The following GOLGB1 variants were observed in gnomAD, a reference collection of about 807,000 sequenced individuals.
GOLGB1 encodes the protein golgin B1.
A neutral mutation model predicts 336.9 loss-of-function variants in GOLGB1; 174 were observed. The observed-to-expected ratio is 0.52, with a 90% confidence interval of 0.46 to 0.59. The LOEUF is 0.59. Among genes scored for constraint, GOLGB1 ranks in the 20% least tolerant of loss-of-function variants. The pLI is 0.00. For missense variants in GOLGB1, 3,331 were observed against 3,645.3 expected (o/e 0.91, Z 2.22); for synonymous variants, 1,208 against 1,289.2 (o/e 0.94, Z 1.35).
In GOLGB1 at chr3:121,691,573, G is replaced by A. The variant is rs925953569; in HGVS notation, c.7791C>T (p.Ala2597=). Reference sequence around the variant, plus strand: ...ATAAATCTTGTTTCTCTTCTTGTAGGGCATTAAAGGACCTCCGCAGATCCT... The same window carrying A: ...ATAAATCTTGTTTCTCTTCTTGTAGAGCATTAAAGGACCTCCGCAGATCCT... ...ANEDLRRSFN[A]LQEEKQDLSK... The change falls in exon 14 of 22, where the codon GCC becomes GCT. Residue 2597 remains alanine, a synonymous_variant. Transcript: ENST00000614479. 5.0e-6 allele frequency: 8 copies of A among 1,613,382 alleles called. No homozygotes were observed. The highest frequency in any genetic ancestry group is 5.1e-6 in the Non-Finnish European group (6 of 1,179,796).
Position 121,695,326 on chromosome 3 carries a change from G to A in GOLGB1, c.5197C>T (p.Leu1733Phe), listed in dbSNP as rs1296003249. 1 of 1,613,922 alleles carries A rather than the reference G, an allele frequency of 6.2e-7. No individual in the cohort carries two copies. The highest frequency in any genetic ancestry group is 8.5e-7 in the Non-Finnish European group (1 of 1,179,956). The stretch of plus-strand genomic sequence containing the variant: ...TCATACTCCATTTTGACCCTTTCAA[G>A]TTCTTCCTTCATGCTGGCATTGGAA... ...LSSNASMKEE[L>F]ERVKMEYETL... The change falls in exon 13 of 22, where the codon CTT (leucine) becomes TTT (phenylalanine). Residue 1733 changes from leucine (L) to phenylalanine (F), a missense_variant. Physicochemically the swap from Leu to Phe is conservative, Grantham distance 22. Coordinates refer to ENST00000614479, the MANE Select transcript of GOLGB1 (RefSeq NM_001366282.2).
At chr3:121,743,176 T>C (rs570810032) in intron 1 of GOLGB1, among the ~76,000 whole-genome samples, 6 of 152,382 alleles carry the variant, frequency 3.9e-5, no homozygotes, top group Non-Finnish European at 8.8e-5. Context: ...GTATGTTTAC[T>C]GCAGCACTAT....
At chr3:121,676,302 T>C (rs1940365557) in intron 17 of GOLGB1, among the ~76,000 whole-genome samples, 1 of 152,226 alleles carries the variant, frequency 6.6e-6, no homozygotes, top group African/African-American at 2.4e-5. Flanking sequence ...CTAGTGATCT[T>C]TTTAATTTTT....
Position 121,663,532 on chromosome 3 carries a change from A to C in GOLGB1, c.*948T>G, listed in dbSNP as rs1938197747. ...AGGGCAGAGACAATGGGGCTGAGAA[A>C]CTGTAATAACTGTCACTAACAGCAA... is the stretch of plus-strand genomic sequence containing the variant. On this transcript the variant is annotated 3_prime_UTR_variant, in exon 22 of 22. Transcript: ENST00000614479. The C allele has an allele frequency of 6.6e-6, 1 of 152,222 alleles. No individual in the cohort carries two copies. The highest frequency in any genetic ancestry group is 2.4e-5 in the African/African-American group (1 of 41,456). The allele number at this position is 152,222 out of a possible 1,614,324, so 9.4% of individuals were successfully genotyped here. A position where few individuals can be genotyped will look rare whatever the true frequency, so the allele number is the denominator to read the frequency against.
intron 1 of GOLGB1, among the ~76,000 whole-genome samples, chr3:121,747,803 G>T (rs1028237046): frequency 1.4e-4 from 22 of 151,886 alleles, no homozygotes; most frequent in African/African-American, 5.1e-4. Flanking sequence ...AAAAGAAAAA[G>T]ACTTTTTTTA....
At chr3:121,690,610 A>G in intron 14 of GOLGB1, 60 bp downstream of exon 14, 1 of 834,322 alleles carries the variant, frequency 1.2e-6, no homozygotes, top group African/African-American at 1.7e-5. Flanking sequence ...TATAAAAATA[A>G]ATTTAAAGAA....
intron 1 of GOLGB1, among the ~76,000 whole-genome samples, chr3:121,732,996 C>A (rs1254601138): frequency 6.6e-6 from 1 of 152,170 alleles, no homozygotes; most frequent in Non-Finnish European, 1.5e-5. Context: ...TAAGTGAATT[C>A]AGCAAGGTTG....
At chr3:121,676,137 T>G (rs370787830) in intron 17 of GOLGB1, among the ~76,000 whole-genome samples, 1 of 152,358 alleles carries the variant, frequency 6.6e-6, no homozygotes, top group East Asian at 1.9e-4. Context: ...TGTCAATTAG[T>G]TGAATTTAAC....
chr3:121,666,688 T>C (rs1028591469), intron 20 of GOLGB1, among the ~76,000 whole-genome samples: 4 of 152,222 alleles, frequency 2.6e-5, no homozygotes, highest in African/African-American at 9.6e-5. Flanking sequence ...ATCAGAAATG[T>C]CATTCTCTGA....
intron 10 of GOLGB1, among the ~76,000 whole-genome samples, chr3:121,708,178 C>A (rs1368592066): frequency 6.6e-6 from 1 of 152,024 alleles, no homozygotes; most frequent in Non-Finnish European, 1.5e-5. Flanking sequence ...AGTGCATATA[C>A]AACTTATATA....
intron 17 of GOLGB1, among the ~76,000 whole-genome samples, chr3:121,675,895 T>A (rs1196896022): frequency 2.0e-5 from 3 of 152,176 alleles, no homozygotes; most frequent in Non-Finnish European, 4.4e-5. Flanking sequence ...AGAGCAAATG[T>A]AACAGGCCTG....
chr3:121,727,281 T>TAC lies in GOLGB1; in HGVS notation c.403-242_403-241dup, dbSNP rs143434684. On this transcript the variant is annotated intron_variant, in intron 4 of 21. Transcript: ENST00000614479. ...TAATAGCTATAAACTGTGAAATACATACACACACACACATATATATATATA... is the reference window on the plus strand; with the variant it reads ...TAATAGCTATAAACTGTGAAATACATACACACACACACACATATATATATATA... 7.7e-3 allele frequency among the ~76,000 whole-genome samples: 759 copies of TAC among 98,044 alleles called. 18 individuals carry two copies. The highest frequency in any genetic ancestry group is 0.022 in the African/African-American group (565 of 25,664). 64.3% of individuals were successfully genotyped at this position (98,044 alleles called of 152,430 possible). A position where few individuals can be genotyped will look rare whatever the true frequency, so the allele number is the denominator to read the frequency against.
At position 121,692,494 on chromosome 3, in the gene GOLGB1, T is replaced by G. The variant is rs201961145; in HGVS notation, c.6870A>C (p.Glu2290Asp). 45 of 1,614,000 alleles carry G rather than the reference T, an allele frequency of 2.8e-5. No homozygotes were observed. The East Asian group carries it at 9.1e-4, about 33-fold the overall frequency. The change falls in exon 14 of 22, where the codon GAA becomes GAC. Residue 2290 changes from glutamate to aspartate, a missense_variant. By Grantham distance (45) the Glu-to-Asp change is conservative. Transcript: ENST00000614479. ...CTAGCTGGGACAAAAGTTCTTTGTT[T>G]TCCCCCTGTAGAGTATCACAGACCT... The part of the protein sequence containing the change: ...QQKVCDTLQG[E>D]NKELLSQLEE...
In GOLGB1 at chr3:121,669,348, TGA is replaced by T; in HGVS notation, c.9183_9184del (p.Gln3062AlafsTer21). On this transcript the variant is annotated frameshift_variant, in exon 18 of 22. Transcript: ENST00000614479. LOFTEE classifies it high-confidence loss of function. ...AAGGGTGTTTTTCTCTTCCAGTAGC[TGA>T]GAGAACTGAAACAGAGGCGAGGATA... 6.2e-7 allele frequency: 1 copy of T among 1,613,552 alleles called. No individual in the cohort carries two copies.
At chr3:121,730,796 C>T (rs1946040900) in intron 2 of GOLGB1, 80 bp downstream of exon 2, 2 of 1,423,648 alleles carry the variant, frequency 1.4e-6, no homozygotes, top group Non-Finnish European at 1.9e-6. Context: ...GCTTCGCACA[C>T]CCTTCTATCT....
In GOLGB1 at chr3:121,690,993, A is replaced by C; in HGVS notation, c.8371T>G (p.Ser2791Ala). The C allele has an allele frequency of 1.2e-6, 2 of 1,614,044 alleles. No homozygotes were observed. Among genetic ancestry groups the C allele is most frequent in the Non-Finnish European group, 1.7e-6 (2 of 1,179,986 alleles). Residue 2791 changes from serine to alanine, a missense_variant, in exon 14 of 22, where the codon TCT becomes GCT. Physicochemically the swap from Ser to Ala is moderately conservative, Grantham distance 99. Coordinates refer to ENST00000614479, the MANE Select transcript of GOLGB1 (RefSeq NM_001366282.2). Reference protein sequence around the residue: ...LLNRERDALLSETAFSMNSTE... With the variant: ...LLNRERDALLAETAFSMNSTE... ...GAGTTCATTGAAAAGGCGGTTTCAGAAAGAAGAGCATCTCTCTCTCTGTTT... is the reference window on the plus strand; with the variant it reads ...GAGTTCATTGAAAAGGCGGTTTCAGCAAGAAGAGCATCTCTCTCTCTGTTT...
Position 121,695,065 on chromosome 3 carries a change from C to G in GOLGB1, c.5458G>C (p.Val1820Leu). The G allele has an allele frequency of 6.2e-7, 1 of 1,614,110 alleles. No individual in the cohort carries two copies. The highest frequency in any genetic ancestry group is 8.5e-7 in the Non-Finnish European group (1 of 1,180,026). Residue 1820 changes from valine to leucine, a missense_variant, in exon 13 of 22, where the codon GTT becomes CTT. Transcript: ENST00000614479. ...GGGTTGGCACTCTTCGCTGATGGAACCGATTCTGAACATGTAGGTCTTGTG... is the reference window on the plus strand; with the variant it reads ...GGGTTGGCACTCTTCGCTGATGGAAGCGATTCTGAACATGTAGGTCTTGTG... ...MSTRPTCSESVPSAKSANPAV... is the reference protein window; with the variant it reads ...MSTRPTCSESLPSAKSANPAV...
intron 9 of GOLGB1, among the ~76,000 whole-genome samples, chr3:121,715,796 C>A: frequency 6.6e-6 from 1 of 151,946 alleles, no homozygotes; most frequent in Non-Finnish European, 1.5e-5. Flanking sequence ...AGTTCGAGAC[C>A]AGCCTGACCA....
At position 121,676,900 on chromosome 3, in the gene GOLGB1, TTCAGTTGCTGA is replaced by T; in HGVS notation, c.9159_9169del (p.Asn3057LeufsTer23). ...CTAACAAGAAACACTTACGTTGCTG[TTCAGTTGCTGA>T]ATTCTTAACTCCTTTTGGTGAATTT... On this transcript the variant is annotated frameshift_variant, in exon 17 of 22. Coordinates refer to ENST00000614479, the MANE Select transcript of GOLGB1 (RefSeq NM_001366282.2). LOFTEE classifies it high-confidence loss of function. 1 of 1,613,778 alleles carries T rather than the reference TTCAGTTGCTGA, an allele frequency of 6.2e-7. No homozygotes were observed.
Sources: allele counts gnomAD v4.1 joint callset (sites outside exome capture counted in the v4.1 genomes callset), GRCh38; gene constraint gnomAD v4.1.1; transcripts MANE v1.5; gene names NCBI Gene and HGNC (gene_info 2026-07-23, HGNC 2026-07-21).